Variants in SULF2 observed in about 807,000 individuals in gnomAD.
SULF2 encodes the protein sulfatase 2, also known as extracellular sulfatase Sulf-2.
In SULF2, 52 loss-of-function variants were observed where a neutral mutation model predicts 107.7. The observed-to-expected ratio is 0.48, with a 90% confidence interval of 0.39 to 0.61. SULF2 has a LOEUF of 0.61. Ranked by LOEUF, SULF2 falls within the 20% of genes least tolerant of loss-of-function variation. The pLI is 0.00. For synonymous variants in SULF2, 460 were observed against 464.3 expected, an observed-to-expected ratio of 0.99 and a Z score of 0.12; for missense variants, 993 against 1,177.3, an observed-to-expected ratio of 0.84 and a Z score of 2.29.
chr20:47,681,998 T>C (rs2087838305), intron 7 of SULF2, among the ~76,000 whole-genome samples: 1 of 152,018 alleles, frequency 6.6e-6, no homozygotes, highest in Non-Finnish European at 1.5e-5. Flanking sequence ...AATGAATTAT[T>C]ATGTAGTTCT....
At chr20:47,691,526 C>T (rs2088196797) in intron 4 of SULF2, among the ~76,000 whole-genome samples, 1 of 152,194 alleles carries the variant, frequency 6.6e-6, no homozygotes. Context: ...TTTTAAAAAA[C>T]TCCCCAGGGG....
chr20:47,771,280 C>G (rs559451396), intron 1 of SULF2, among the ~76,000 whole-genome samples: 1 of 149,770 alleles, frequency 6.7e-6, no homozygotes, highest in East Asian at 1.9e-4. Flanking sequence ...GCCACGATGT[C>G]AGGTCCAGGG....
rs1030121697 is a variant in SULF2, at chr20:47,771,622, G to A, written c.-101+13721C>T. Among the ~76,000 whole-genome samples the A allele has an allele frequency of 5.9e-5, 9 of 152,146 alleles. 1 individual carries two copies. Among genetic ancestry groups the A allele is most frequent in the Admixed American group, 5.9e-4 (9 of 15,284 alleles). On this transcript the variant is annotated intron_variant, in intron 1 of 20. Transcript: ENST00000688720. ...GCTCAAAGCCGCCCAACAACATGGA[G>A]GTTGCCCTGGAGTCCAGGAGGGAAG...
At chr20:47,749,095 A>C in intron 2 of SULF2, among the ~76,000 whole-genome samples, 1 of 151,102 alleles carries the variant, frequency 6.6e-6, no homozygotes, top group East Asian at 2.0e-4. Context: ...CTGGAGCTCC[A>C]GCAGCTGTTC....
At chr20:47,750,262 G>C (rs1050484217) in intron 2 of SULF2, among the ~76,000 whole-genome samples, 2 of 152,300 alleles carry the variant, frequency 1.3e-5, no homozygotes, top group South Asian at 4.1e-4. Flanking sequence ...TCACAGGTGT[G>C]AGCCACCGCA....
At chr20:47,721,738 A>G (rs902831816) in intron 3 of SULF2, among the ~76,000 whole-genome samples, 1 of 152,180 alleles carries the variant, frequency 6.6e-6, no homozygotes, top group African/African-American at 2.4e-5. Context: ...CTGTCTTTTC[A>G]TAATTGTGCC....
chr20:47,739,226 A>G (rs2089819380), intron 2 of SULF2, among the ~76,000 whole-genome samples: 1 of 152,188 alleles, frequency 6.6e-6, no homozygotes, highest in Non-Finnish European at 1.5e-5. Context: ...GTGGGAAACC[A>G]AAACAGGGTC....
chr20:47,735,794 GTA>G (rs2033784565), intron 3 of SULF2, among the ~76,000 whole-genome samples: 2 of 152,182 alleles, frequency 1.3e-5, no homozygotes, highest in Non-Finnish European at 2.9e-5. Context: ...CCCACACTGT[GTA>G]TCTGAGAGGA....
rs553365585 is a variant in SULF2, at chr20:47,725,952, C to A, written c.415+10751G>T. ...CTGGCCCCGGGATGGATGGTGTCTG[C>A]TGCTCGGAGAACAGGAACCTGTCCT... On this transcript the variant is annotated intron_variant, in intron 3 of 20. Coordinates refer to ENST00000688720, the MANE Select transcript of SULF2 (RefSeq NM_001387048.1). Among the ~76,000 whole-genome samples the A allele has an allele frequency of 1.5e-3, 229 of 152,316 alleles. 2 individuals carry two copies. The highest frequency in any genetic ancestry group is 0.014 in the Middle Eastern group (4 of 294).
Position 47,680,819 on chromosome 20 carries a change from G to C in SULF2, c.1065-2015C>G, listed in dbSNP as rs71351689. On this transcript the variant is annotated intron_variant, in intron 7 of 20. Transcript: ENST00000688720. The surrounding 1 kb of genome is among the most constrained non-coding windows in gnomAD (Gnocchi z 4.2). ...CAGTGGTCCCGCTCCCCCAGGCTCA[G>C]GGGAAGGAGGACAGTGGTTGCTTTT... 6.6e-6 allele frequency among the ~76,000 whole-genome samples: 1 copy of C among 152,236 alleles called. No homozygotes were observed. The highest frequency in any genetic ancestry group is 2.4e-5 in the African/African-American group (1 of 41,460).
At chr20:47,765,532 G>A (rs547332720) in intron 1 of SULF2, among the ~76,000 whole-genome samples, 2 of 152,204 alleles carry the variant, frequency 1.3e-5, no homozygotes, top group South Asian at 2.1e-4. Context: ...TATGTCCCAC[G>A]GGCTGGGGCC....
intron 5 of SULF2, 72 bp from the exon 6 acceptor site, chr20:47,684,653 C>T (rs1050960858): frequency 2.9e-5 from 44 of 1,520,120 alleles, no homozygotes; most frequent in African/African-American, 1.5e-4. Context: ...CCGCCAGACC[C>T]GCCCGGATGA....
At chr20:47,751,537 G>A (rs1389119844) in intron 2 of SULF2, among the ~76,000 whole-genome samples, 2 of 152,130 alleles carry the variant, frequency 1.3e-5, no homozygotes, top group Non-Finnish European at 2.9e-5. Context: ...TGTTCATGTG[G>A]GTCTAGTGAT....
chr20:47,779,993 C>T (rs1452258946), intron 1 of SULF2, among the ~76,000 whole-genome samples: 2 of 151,248 alleles, frequency 1.3e-5, no homozygotes, highest in African/African-American at 2.4e-5. Flanking sequence ...CCCACTTACT[C>T]CTGACCCTCT....
chr20:47,706,380 C>T (rs1258885680), intron 3 of SULF2: 1 of 151,978 alleles, frequency 6.6e-6, no homozygotes, highest in African/African-American at 2.4e-5. Context: ...CAAACCTTTC[C>T]TGTAAAAGCC....
chr20:47,780,965 T>C (rs1191199071), intron 1 of SULF2, among the ~76,000 whole-genome samples: 4 of 152,222 alleles, frequency 2.6e-5, no homozygotes, highest in East Asian at 1.9e-4. Flanking sequence ...AATATACACA[T>C]GACATATTGG....
intron 3 of SULF2, 123 bp from the exon 4 acceptor site, chr20:47,702,793 A>G (rs528762038): frequency 1.3e-6 from 1 of 761,082 alleles, no homozygotes; most frequent in South Asian, 1.8e-5. Flanking sequence ...TGGCACACAG[A>G]GCAATGGATC....
At chr20:47,737,751 C>CTTT (rs1568881263) in intron 2 of SULF2, among the ~76,000 whole-genome samples, 5 of 95,018 alleles carry the variant, frequency 5.3e-5, no homozygotes, top group African/African-American at 2.3e-4. Context: ...TCTTTCTTTT[C>CTTT]TTTGTTTTTT....
chr20:47,682,907 A>G lies in SULF2; in HGVS notation c.1064+87T>C. The G allele has an allele frequency of 2.9e-6, 4 of 1,360,512 alleles. No homozygotes were observed. In the South Asian group the frequency reaches 6.0e-5, roughly 21 times the overall value. The allele number at this position is 1,360,512 out of a possible 1,614,324, so 84.3% of individuals were successfully genotyped here. On this transcript the variant is annotated intron_variant, in intron 7 of 20. Transcript: ENST00000688720. ...CATCTGCGAAAACTGTGTGCCACCC[A>G]GGGTGGGCTTGGGTTTGGGCTGCAT...
Sources: gnomAD v4.1 joint callset for allele counts (sites outside exome capture counted in the v4.1 genomes callset) on GRCh38, gnomAD v4.1.1 for gene constraint, Gnocchi (gnomAD v3.1) non-coding constraint, MANE v1.5 for transcripts, NCBI Gene and HGNC (gene_info 2026-07-23, HGNC 2026-07-21) for gene names.